RHBDL3: variants seen among roughly 807,000 people sequenced by gnomAD.
The protein encoded by RHBDL3 is rhomboid like 3, also known as rhomboid-related protein 3.
In RHBDL3, 28 loss-of-function variants were observed where a neutral mutation model predicts 48.2. The observed-to-expected ratio is 0.58, with a 90% CI of 0.43 to 0.80. The LOEUF is 0.80. Ranked by LOEUF, RHBDL3 falls within the 30% of genes least tolerant of loss-of-function variation. The pLI is 0.00. For missense variants in RHBDL3, 464 were observed against 542.7 expected (o/e 0.85, Z 1.44); for synonymous variants, 208 against 232.3 (o/e 0.90, Z 0.95).
rs1388437233 is a variant in RHBDL3 at position 32,316,307 on chromosome 17, G to C, written c.943+15G>C. Reference sequence around the variant, plus strand: ...CCTTATCTGTAGTAAGTACTGATGGGGCGCTGGGGAACCAAAGCCTGGCAC... The same window carrying C: ...CCTTATCTGTAGTAAGTACTGATGGCGCGCTGGGGAACCAAAGCCTGGCAC... On this transcript the variant is annotated intron_variant, in intron 8 of 8. Transcript: ENST00000269051. 6.2e-7 allele frequency: 1 copy of C among 1,607,528 alleles called. No individual in the cohort carries two copies. Among genetic ancestry groups the C allele is most frequent in the Admixed American group, 1.7e-5 (1 of 59,882 alleles).
chr17:32,313,430 A>G (rs1399416295), intron 7 of RHBDL3, among the ~76,000 whole-genome samples: 1 of 152,190 alleles, frequency 6.6e-6, no homozygotes, highest in African/African-American at 2.4e-5. Context: ...CTTAAAGTAT[A>G]CAGTTACATT....
intron 8 of RHBDL3, among the ~76,000 whole-genome samples, chr17:32,317,465 A>C (rs1490512931): frequency 6.6e-6 from 1 of 152,224 alleles, no homozygotes; most frequent in East Asian, 1.9e-4. Context: ...GGGAGAGCTC[A>C]GTTCTACCTA....
At chr17:32,305,565 T>TCA in intron 7 of RHBDL3, 124 bp downstream of exon 7, 1 of 709,516 alleles carries the variant, frequency 1.4e-6, no homozygotes, top group Non-Finnish European at 2.6e-6. Context: ...AGCAGAGTTC[T>TCA]CACACACTCC....
chr17:32,291,960 C>G (rs879827588), intron 4 of RHBDL3, among the ~76,000 whole-genome samples: 2 of 151,792 alleles, frequency 1.3e-5, no homozygotes, highest in Non-Finnish European at 2.9e-5. Context: ...TTAGTAGAGA[C>G]GGGGTTTCAC....
chr17:32,305,636 G>C (rs779642788), intron 7 of RHBDL3, among the ~76,000 whole-genome samples, 195 bp downstream of exon 7: 2 of 152,116 alleles, frequency 1.3e-5, no homozygotes, highest in South Asian at 2.1e-4. Flanking sequence ...ATTTTCTCCA[G>C]TCACGGCTTG....
intron 2 of RHBDL3, among the ~76,000 whole-genome samples, chr17:32,268,938 C>G (rs912345036): frequency 5.9e-5 from 9 of 152,050 alleles, no homozygotes; most frequent in African/African-American, 2.2e-4. Context: ...AAGAAGGTGA[C>G]AGTGAGGATG....
intron 5 of RHBDL3, among the ~76,000 whole-genome samples, chr17:32,297,564 A>T (rs2040480839): frequency 6.6e-6 from 1 of 151,352 alleles, no homozygotes; most frequent in Admixed American, 6.6e-5. Context: ...GGAGACCTGA[A>T]CTGTTGTGTC....
At chr17:32,282,580 T>C (rs1354985331) in intron 2 of RHBDL3, among the ~76,000 whole-genome samples, 1 of 152,110 alleles carries the variant, frequency 6.6e-6, no homozygotes, top group Non-Finnish European at 1.5e-5. Flanking sequence ...CAAAAAACAA[T>C]AGACCTCATT....
chr17:32,267,687 G>A, intron 1 of RHBDL3: 1 of 853,614 alleles, frequency 1.2e-6, no homozygotes, highest in Non-Finnish European at 1.5e-6. Context: ...CCCTTACTGT[G>A]AGTTTCCTCC....
intron 7 of RHBDL3, among the ~76,000 whole-genome samples, chr17:32,307,450 C>A (rs1462759884): frequency 6.6e-6 from 1 of 152,164 alleles, no homozygotes; most frequent in African/African-American, 2.4e-5. Flanking sequence ...TGTCACCCAC[C>A]CTGCTCCCAA....
Position 32,266,269 on chromosome 17 carries a change from C to A in RHBDL3, c.80C>A (p.Ala27Asp). 1 of 1,468,338 alleles carries A rather than the reference C, an allele frequency of 6.8e-7. No homozygotes were observed. Among genetic ancestry groups the A allele is most frequent in the Non-Finnish European group, 9.0e-7 (1 of 1,117,202 alleles). The allele number at this position is 1,468,338 out of a possible 1,614,324, so 91.0% of individuals were successfully genotyped here. The stretch of plus-strand genomic sequence containing the variant: ...CGCATCGAGGAGCTGGAACCCGAGG[C>A]CGAGGAGCGGCTGCCCGCGGCGCCG... ...AERIEELEPEAEERLPAAPED... is the reference protein window; with the variant it reads ...AERIEELEPEDEERLPAAPED... The change falls in exon 1 of 9, where the codon GCC (alanine) becomes GAC (aspartate). Residue 27 changes from alanine to aspartate, a missense_variant. Ala to Asp is a moderately radical substitution (Grantham distance 126). Coordinates refer to ENST00000269051, the MANE Select transcript of RHBDL3 (RefSeq NM_138328.3).
intron 2 of RHBDL3, among the ~76,000 whole-genome samples, chr17:32,274,769 C>A (rs1357044462): frequency 6.6e-6 from 1 of 152,084 alleles, no homozygotes; most frequent in African/African-American, 2.4e-5. Flanking sequence ...GCAGTGAGGA[C>A]CTTTTGCGGC....
chr17:32,268,033 T>TG, intron 2 of RHBDL3, 108 bp downstream of exon 2: 1 of 862,454 alleles, frequency 1.2e-6, no homozygotes, highest in Non-Finnish European at 2.0e-6. Flanking sequence ...GATGGTGACG[T>TG]GGGGTGGGGG....
intron 2 of RHBDL3, among the ~76,000 whole-genome samples, chr17:32,278,962 A>G (rs889853746): frequency 1.7e-4 from 26 of 151,856 alleles, no homozygotes; most frequent in African/African-American, 6.0e-4. Flanking sequence ...CCCTGTCTCT[A>G]CAAAAAAATT....
chr17:32,294,228 G>A, intron 4 of RHBDL3, 66 bp from the exon 5 acceptor site: 1 of 1,410,814 alleles, frequency 7.1e-7, no homozygotes, highest in Non-Finnish European at 9.8e-7. Flanking sequence ...CCCAGTGCTA[G>A]TCAGCACAAC....
intron 2 of RHBDL3, among the ~76,000 whole-genome samples, chr17:32,277,134 C>G (rs563868345): frequency 6.6e-6 from 1 of 152,202 alleles, no homozygotes; most frequent in Non-Finnish European, 1.5e-5. Flanking sequence ...GAGGTCTTTA[C>G]CCCAGTGGCA....
intron 3 of RHBDL3, among the ~76,000 whole-genome samples, chr17:32,285,154 G>A (rs1163687618): frequency 2.0e-5 from 3 of 151,942 alleles, no homozygotes. Flanking sequence ...GGGAGGGATG[G>A]AGGGAAGGGG....
intron 7 of RHBDL3, among the ~76,000 whole-genome samples, chr17:32,312,609 C>T (rs1265055969): frequency 6.6e-6 from 1 of 152,066 alleles, no homozygotes; most frequent in African/African-American, 2.4e-5. Context: ...CCTCCACCTC[C>T]CAGGTTCAAG....
intron 2 of RHBDL3, among the ~76,000 whole-genome samples, chr17:32,274,652 T>A (rs2039851624): frequency 6.6e-6 from 1 of 152,116 alleles, no homozygotes; most frequent in Non-Finnish European, 1.5e-5. Context: ...ATGGTTTGCT[T>A]GAGGCCAGGA....
Sources: allele counts gnomAD v4.1 joint callset (sites outside exome capture counted in the v4.1 genomes callset), GRCh38; gene constraint gnomAD v4.1.1; transcripts MANE v1.5; gene names NCBI Gene and HGNC (gene_info 2026-07-23, HGNC 2026-07-21).